CAMTA1: variants seen among roughly 807,000 people sequenced by gnomAD.
CAMTA1 encodes calmodulin-binding transcription activator 1.
Under a neutral mutation model 170.9 loss-of-function variants are expected in CAMTA1, and 27 were observed. The ratio of observed to expected loss-of-function variants is 0.16; its 90% CI spans 0.12 to 0.22. CAMTA1 has a LOEUF of 0.22. Among genes scored for constraint, CAMTA1 ranks in the 10% least tolerant of loss-of-function variants. CAMTA1 has a pLI of 1.00. For synonymous variants in CAMTA1, 833 were observed against 891.5 expected, an observed-to-expected ratio of 0.93 and a Z score of 1.17; for missense variants, 1,619 against 2,217.2, an observed-to-expected ratio of 0.73 and a Z score of 5.42.
chr1:7,156,024 G>A lies in CAMTA1; in HGVS notation c.302+64653G>A, dbSNP rs185665417. ...TCTCAGCACTTTGGGATGCCGAGAT[G>A]GGAGGATCACCTGAGGTCAGGAGTT... is the stretch of plus-strand genomic sequence containing the variant. On this transcript the variant is annotated intron_variant, in intron 4 of 22. Coordinates refer to ENST00000303635, the MANE Select transcript of CAMTA1 (RefSeq NM_015215.4). Among the ~76,000 whole-genome samples the A allele has an allele frequency of 7.5e-4, 114 of 152,164 alleles. 1 individual carries two copies. Among genetic ancestry groups the A allele is most frequent in the African/African-American group, 2.6e-3 (109 of 41,536 alleles).
chr1:7,540,424 A>G (rs2094596571), intron 6 of CAMTA1, among the ~76,000 whole-genome samples: 1 of 152,078 alleles, frequency 6.6e-6, no homozygotes, highest in Admixed American at 6.6e-5. Flanking sequence ...GAGTTTCTGA[A>G]ATCCTGCCAC....
Position 7,736,949 on chromosome 1 carries a change from C to T in CAMTA1, c.3282C>T (p.Ser1094=), listed in dbSNP as rs1302962587. Residue 1094 remains serine (S), a synonymous_variant, in exon 14 of 23, where the codon AGC becomes AGT. Coordinates refer to ENST00000303635, the MANE Select transcript of CAMTA1 (RefSeq NM_015215.4). This position sits in a 1 kb window ranked among gnomAD's most constrained non-coding sequence, Gnocchi z 4.5. ...LIKWRTKHAD[S]IDLELEVDPL... ...CTTATAGTACAAAGCACGCGGATAG[C>T]ATTGACCTGGAACTGGAAGTTGACC... 3 of 1,613,322 alleles carry T rather than the reference C, an allele frequency of 1.9e-6. No individual in the cohort carries two copies. Among genetic ancestry groups the T allele is most frequent in the East Asian group, 2.2e-5 (1 of 44,854 alleles).
intron 3 of CAMTA1, among the ~76,000 whole-genome samples, chr1:7,049,944 A>C (rs1706045933): frequency 6.6e-6 from 1 of 152,172 alleles, no homozygotes; most frequent in African/African-American, 2.4e-5. Flanking sequence ...GGGGATCCTC[A>C]GTGAGGAGTA....
chr1:6,880,094 T>A (rs1376352605), intron 3 of CAMTA1, among the ~76,000 whole-genome samples: 1 of 151,808 alleles, frequency 6.6e-6, no homozygotes, highest in Admixed American at 6.5e-5. Flanking sequence ...ATTTTTTATA[T>A]TTATCTTTAA....
At chr1:7,340,418 G>A (rs903729761) in intron 5 of CAMTA1, among the ~76,000 whole-genome samples, 4 of 152,076 alleles carry the variant, frequency 2.6e-5, no homozygotes, top group East Asian at 1.9e-4. Context: ...GGAGCAATAC[G>A]AAGCAGGACC....
chr1:7,364,949 G>A (rs938072896), intron 5 of CAMTA1, among the ~76,000 whole-genome samples: 10 of 152,242 alleles, frequency 6.6e-5, no homozygotes, highest in African/African-American at 2.2e-4. Context: ...GGGGAATGGC[G>A]GTGGCCATGG....
In CAMTA1 at chr1:6,844,649, A is replaced by G. The variant is rs574838857; in HGVS notation, c.234+19439A>G. ...TGTGGTGAGCTGAGATTGTGCCACT[A>G]CACTCCAGCTTGGGTGACAGAGTGA... On this transcript the variant is annotated intron_variant, in intron 3 of 22. Transcript: ENST00000303635. Among the ~76,000 whole-genome samples, 314 of 147,080 alleles carry G rather than the reference A, an allele frequency of 2.1e-3. 2 individuals are homozygous for G. The highest frequency in any genetic ancestry group is 7.5e-3 in the African/African-American group (298 of 39,836).
At chr1:7,667,185 G>A (rs112209173) in intron 9 of CAMTA1, among the ~76,000 whole-genome samples, 4 of 151,930 alleles carry the variant, frequency 2.6e-5, no homozygotes, top group Non-Finnish European at 5.9e-5. Flanking sequence ...CACCACACCC[G>A]GCCCTGACCT....
At chr1:7,491,846 G>A (rs946979244) in intron 6 of CAMTA1, among the ~76,000 whole-genome samples, 15 of 152,330 alleles carry the variant, frequency 9.8e-5, no homozygotes, top group African/African-American at 3.6e-4. Flanking sequence ...CTTGCTCCAT[G>A]ATGGAAAATG....
At chr1:7,612,493 G>A (rs1274799841) in intron 6 of CAMTA1, among the ~76,000 whole-genome samples, 3 of 152,162 alleles carry the variant, frequency 2.0e-5, no homozygotes, top group Non-Finnish European at 4.4e-5. Flanking sequence ...GGCACGGTGG[G>A]CTAAAAGGCA....
rs1480270489 is a variant in CAMTA1, at chr1:7,251,416, C to T, written c.438+1790C>T. The stretch of plus-strand genomic sequence containing the variant: ...CCCTCAGAACTTCGGGAAAGGGAGA[C>T]GGGCAGGATGGGGAGGGGTTTCCAT... On this transcript the variant is annotated intron_variant, in intron 5 of 22. Coordinates refer to ENST00000303635, the MANE Select transcript of CAMTA1 (RefSeq NM_015215.4). This position sits in a 1 kb window ranked among gnomAD's most constrained non-coding sequence, Gnocchi z 5.1. 3.9e-5 allele frequency among the ~76,000 whole-genome samples: 6 copies of T among 152,050 alleles called. No homozygotes were observed. In the East Asian group the frequency reaches 5.8e-4, roughly 15 times the overall value.
rs2095536729 is a variant in CAMTA1 at position 7,613,394 on chromosome 1, CA to C, written c.511-27005del. On this transcript the variant is annotated intron_variant, in intron 6 of 22. Coordinates refer to ENST00000303635, the MANE Select transcript of CAMTA1 (RefSeq NM_015215.4). ...GGTGGGCATGGACTGGTGCAGAGCA[CA>C]CAGGAGAGGCCCAGCCTGGCCTGGG... Among the ~76,000 whole-genome samples, 3 of 152,054 alleles carry C rather than the reference CA, an allele frequency of 2.0e-5. No homozygotes were observed. In the South Asian group the frequency reaches 6.2e-4, roughly 31 times the overall value.
intron 3 of CAMTA1, among the ~76,000 whole-genome samples, chr1:6,845,493 A>C (rs757260998): frequency 6.6e-6 from 1 of 152,204 alleles, no homozygotes; most frequent in Non-Finnish European, 1.5e-5. Flanking sequence ...TGGTTGCACA[A>C]CTCTGTGCAT....
At chr1:6,878,264 A>G (rs1191925755) in intron 3 of CAMTA1, among the ~76,000 whole-genome samples, 1 of 152,234 alleles carries the variant, frequency 6.6e-6, no homozygotes, top group Non-Finnish European at 1.5e-5. Flanking sequence ...ATTCAAGGAT[A>G]ATCATTGCAG....
intron 5 of CAMTA1, among the ~76,000 whole-genome samples, chr1:7,279,283 G>A (rs1441708354): frequency 6.6e-6 from 1 of 152,212 alleles, no homozygotes; most frequent in Non-Finnish European, 1.5e-5. Flanking sequence ...ATCCACTGGG[G>A]TGGGAGGCAG....
chr1:6,896,705 T>A (rs1045780825), intron 3 of CAMTA1, among the ~76,000 whole-genome samples: 1 of 152,246 alleles, frequency 6.6e-6, no homozygotes, highest in African/African-American at 2.4e-5. Flanking sequence ...AGGAACCCTT[T>A]GCATCAGCTT....
chr1:7,306,220 C>T (rs993663610), intron 5 of CAMTA1, among the ~76,000 whole-genome samples: 1 of 151,942 alleles, frequency 6.6e-6, no homozygotes, highest in African/African-American at 2.4e-5. Flanking sequence ...GATATTTTCT[C>T]CTATGTTCGC....
chr1:7,548,121 C>A (rs2094725131), intron 6 of CAMTA1, among the ~76,000 whole-genome samples: 1 of 152,194 alleles, frequency 6.6e-6, no homozygotes, highest in South Asian at 2.1e-4. Flanking sequence ...CAATTGCAAA[C>A]AATAAAAGTT....
intron 3 of CAMTA1, among the ~76,000 whole-genome samples, chr1:7,076,035 C>G (rs745734843): frequency 8.5e-5 from 13 of 152,120 alleles, no homozygotes; most frequent in African/African-American, 3.1e-4. Flanking sequence ...GAGAGAAGAC[C>G]TAGGTTTTCA....
Sources: allele counts gnomAD v4.1 joint callset (sites outside exome capture counted in the v4.1 genomes callset), GRCh38; gene constraint gnomAD v4.1.1; non-coding constraint Gnocchi (gnomAD v3.1); transcripts MANE v1.5; gene names NCBI Gene and HGNC (gene_info 2026-07-23, HGNC 2026-07-21).